The following TMEFF2 variants were observed in gnomAD, a reference collection of about 807,000 sequenced individuals.
TMEFF2 encodes transmembrane protein with EGF like and two follistatin like domains 2.
A neutral mutation model predicts 53.8 loss-of-function variants in TMEFF2; 28 were observed. The ratio of observed to expected loss-of-function variants is 0.52; its 90% CI spans 0.39 to 0.71. TMEFF2 has a LOEUF of 0.71. Among genes scored for constraint, TMEFF2 ranks in the 30% least tolerant of loss-of-function variants. The probability of loss-of-function intolerance (pLI) is 0.00; values close to 1 mark genes in which losing one functional copy is unlikely to be tolerated. For synonymous variants in TMEFF2, 162 were observed against 166.3 expected (o/e 0.97, Z 0.20); for missense variants, 353 against 455.2 (o/e 0.78, Z 2.04).
At chr2:192,082,182 A>G (rs1174892953) in intron 4 of TMEFF2, among the ~76,000 whole-genome samples, 2 of 152,164 alleles carry the variant, frequency 1.3e-5, no homozygotes, top group African/African-American at 4.8e-5. Context: ...GATTTTTTAT[A>G]TTGTTTGAAA....
At chr2:192,186,637 C>T (rs1366262792) in intron 2 of TMEFF2, among the ~76,000 whole-genome samples, 1 of 152,148 alleles carries the variant, frequency 6.6e-6, no homozygotes, top group African/African-American at 2.4e-5. Flanking sequence ...GTGTCTATGG[C>T]TAGCTGGACT....
chr2:191,997,313 C>T (rs903919427), intron 7 of TMEFF2, among the ~76,000 whole-genome samples: 2 of 151,474 alleles, frequency 1.3e-5, no homozygotes, highest in South Asian at 2.1e-4. Context: ...TTTTTATTTC[C>T]AAATTCTAAG....
intron 5 of TMEFF2, among the ~76,000 whole-genome samples, chr2:192,023,106 C>A (rs927248646): frequency 2.0e-5 from 3 of 152,028 alleles, no homozygotes; most frequent in African/African-American, 7.2e-5. Flanking sequence ...ATGCTATTTT[C>A]TGTTTTCTTG....
chr2:191,951,436 A>T (rs971981022), intron 9 of TMEFF2, among the ~76,000 whole-genome samples: 9 of 137,290 alleles, frequency 6.6e-5, no homozygotes, highest in South Asian at 2.5e-4. Flanking sequence ...AGATTTTTTT[A>T]AAAAAAGAAA....
intron 4 of TMEFF2, among the ~76,000 whole-genome samples, chr2:192,073,004 A>G (rs956067555): frequency 6.6e-6 from 1 of 151,970 alleles, no homozygotes; most frequent in Non-Finnish European, 1.5e-5. Flanking sequence ...CTCTGCTCCC[A>G]CACTGCCTGA....
At chr2:192,147,085 CTCT>C (rs1176805294) in intron 4 of TMEFF2, among the ~76,000 whole-genome samples, 1 of 152,052 alleles carries the variant, frequency 6.6e-6, no homozygotes, top group African/African-American at 2.4e-5. Context: ...TCTTGGGTCA[CTCT>C]TCTTTTTAAG....
At chr2:192,137,288 G>A (rs1690033422) in intron 4 of TMEFF2, among the ~76,000 whole-genome samples, 1 of 152,148 alleles carries the variant, frequency 6.6e-6, no homozygotes, top group African/African-American at 2.4e-5. Flanking sequence ...CAGGGGAAGT[G>A]AAGGTAAATG....
chr2:191,983,698 G>A (rs1251819527), intron 7 of TMEFF2, among the ~76,000 whole-genome samples: 2 of 152,134 alleles, frequency 1.3e-5, no homozygotes, highest in Non-Finnish European at 2.9e-5. Context: ...ACAGCAAACT[G>A]TGGCTCTGGG....
intron 4 of TMEFF2, among the ~76,000 whole-genome samples, chr2:192,091,867 TGACA>T: frequency 6.6e-6 from 1 of 152,170 alleles, no homozygotes; most frequent in Non-Finnish European, 1.5e-5. Context: ...TAAAGGGCAG[TGACA>T]CCTAGGTGCT....
intron 7 of TMEFF2, among the ~76,000 whole-genome samples, chr2:191,967,424 T>C (rs898988896): frequency 1.3e-5 from 2 of 152,170 alleles, no homozygotes; most frequent in African/African-American, 4.8e-5. Flanking sequence ...AATAGAATTA[T>C]AGTACACTAA....
chr2:192,017,533 T>C (rs1020947360), intron 5 of TMEFF2, among the ~76,000 whole-genome samples: 7 of 152,202 alleles, frequency 4.6e-5, no homozygotes, highest in African/African-American at 1.7e-4. Flanking sequence ...ATGAACATTC[T>C]ATTCTTTTTC....
chr2:191,969,125 ATG>A (rs1272680651), intron 7 of TMEFF2, among the ~76,000 whole-genome samples: 2 of 128,860 alleles, frequency 1.6e-5, no homozygotes, highest in African/African-American at 5.9e-5. Flanking sequence ...ATGTTTGTGT[ATG>A]TGTGTGTGTA....
chr2:192,169,168 T>A (rs1690845933), intron 4 of TMEFF2, among the ~76,000 whole-genome samples: 1 of 152,088 alleles, frequency 6.6e-6, no homozygotes, highest in Non-Finnish European at 1.5e-5. Flanking sequence ...ACTATTTGAA[T>A]GAATCAGACT....
At chr2:192,135,760 G>T (rs1398166625) in intron 4 of TMEFF2, among the ~76,000 whole-genome samples, 1 of 152,080 alleles carries the variant, frequency 6.6e-6, no homozygotes, top group African/African-American at 2.4e-5. Context: ...AGTAACTGAA[G>T]AATCACAAAA....
intron 7 of TMEFF2, among the ~76,000 whole-genome samples, chr2:191,990,060 C>T (rs1340525904): frequency 6.6e-6 from 1 of 152,102 alleles, no homozygotes; most frequent in Non-Finnish European, 1.5e-5. Flanking sequence ...ACTAGGCCAC[C>T]ACTTCCCTCA....
chr2:192,037,293 G>T (rs1463218692), intron 5 of TMEFF2, among the ~76,000 whole-genome samples: 1 of 130,146 alleles, frequency 7.7e-6, no homozygotes, highest in Non-Finnish European at 1.5e-5. Flanking sequence ...AAGAAAGAAA[G>T]AAAGAAAGAA....
intron 2 of TMEFF2, 95 bp from the exon 3 acceptor site, chr2:192,184,578 T>C (rs1315073558): frequency 4.8e-6 from 7 of 1,451,276 alleles, no homozygotes; most frequent in Non-Finnish European, 6.5e-6. Flanking sequence ...AAGAAACCAC[T>C]TGTCTTCATT....
At chr2:192,092,372 A>C (rs1303938215) in intron 4 of TMEFF2, among the ~76,000 whole-genome samples, 2 of 152,180 alleles carry the variant, frequency 1.3e-5, no homozygotes, top group Non-Finnish European at 2.9e-5. Context: ...AGTATGTGGT[A>C]CACAAAGATA....
chr2:192,037,621 A>AG (rs1687356602), intron 5 of TMEFF2, among the ~76,000 whole-genome samples: 1 of 95,186 alleles, frequency 1.1e-5, no homozygotes, highest in Admixed American at 1.3e-4. Context: ...AGAGAAAGAG[A>AG]GAGAGGAGAG....
Sources: allele counts gnomAD v4.1 joint callset (sites outside exome capture counted in the v4.1 genomes callset), GRCh38; gene constraint gnomAD v4.1.1; transcripts MANE v1.5; gene names NCBI Gene and HGNC (gene_info 2026-07-23, HGNC 2026-07-21).